Variants in TCF4 observed in about 807,000 individuals in gnomAD.
The protein encoded by TCF4 is transcription factor 4.
In TCF4, 3 loss-of-function variants were observed where a neutral mutation model predicts 82.1. That is an observed-to-expected ratio of 0.04 (90% confidence interval 0.02 to 0.09). The LOEUF (loss-of-function observed/expected upper bound fraction) is 0.09. Among genes scored for constraint, TCF4 ranks in the 10% least tolerant of loss-of-function variants. TCF4 has a pLI of 1.00. For missense variants in TCF4, 518 were observed against 852.7 expected (o/e 0.61, Z 4.89); for synonymous variants, 276 against 309.6 (o/e 0.89, Z 1.14).
At chr18:55,612,437 A>C (rs2097707978) in intron 2 of TCF4, among the ~76,000 whole-genome samples, 1 of 152,180 alleles carries the variant, frequency 6.6e-6, no homozygotes, top group Admixed American at 6.5e-5. Flanking sequence ...TGAGCAAAGT[A>C]ATATGTTGAG....
chr18:55,476,999 A>C (rs2096304760), intron 3 of TCF4, among the ~76,000 whole-genome samples: 2 of 152,146 alleles, frequency 1.3e-5, no homozygotes, highest in Non-Finnish European at 2.9e-5. Flanking sequence ...ATTTCCTAAT[A>C]GTTTCTTGAT....
intron 8 of TCF4, among the ~76,000 whole-genome samples, chr18:55,316,848 G>A (rs1307506525): frequency 6.6e-6 from 1 of 151,940 alleles, no homozygotes; most frequent in African/African-American, 2.4e-5. Flanking sequence ...ATCACCCAGC[G>A]ACAGAAGGAT....
At chr18:55,255,053 A>G (rs993285021) in intron 14 of TCF4, among the ~76,000 whole-genome samples, 3 of 152,214 alleles carry the variant, frequency 2.0e-5, no homozygotes, top group African/African-American at 7.2e-5. Flanking sequence ...GCAGGTATTA[A>G]GTTAAAGAGT....
intron 6 of TCF4, among the ~76,000 whole-genome samples, chr18:55,369,274 A>C (rs2088200736): frequency 6.6e-6 from 1 of 152,226 alleles, no homozygotes; most frequent in South Asian, 2.1e-4. Flanking sequence ...CAACACCAGC[A>C]GTGGGGTTAA....
intron 3 of TCF4, among the ~76,000 whole-genome samples, chr18:55,581,366 G>A (rs1181593399): frequency 1.3e-5 from 2 of 151,974 alleles, no homozygotes; most frequent in Non-Finnish European, 2.9e-5. Flanking sequence ...TGAAGGCACT[G>A]GGCAACATTT....
At chr18:55,626,833 G>T (rs2097726956) in intron 2 of TCF4, among the ~76,000 whole-genome samples, 1 of 152,186 alleles carries the variant, frequency 6.6e-6, no homozygotes, top group Admixed American at 6.5e-5. Flanking sequence ...ATAAAGGAAT[G>T]TGCTTTCTGA....
chr18:55,273,165 G>T (rs1249050665), intron 10 of TCF4, among the ~76,000 whole-genome samples: 1 of 152,144 alleles, frequency 6.6e-6, no homozygotes. Context: ...GGCTAAAACT[G>T]TAAAGGGGAT....
At chr18:55,597,656 G>T (rs571684110) in intron 2 of TCF4, among the ~76,000 whole-genome samples, 3 of 150,140 alleles carry the variant, frequency 2.0e-5, no homozygotes, top group African/African-American at 7.4e-5. Flanking sequence ...GACAAAGCAA[G>T]ACTCTGTCTC....
rs569350206 is a variant in TCF4 at position 55,634,127 on chromosome 18, C to A, written c.195+1576G>T. Among the ~76,000 whole-genome samples the A allele has an allele frequency of 3.3e-5, 5 of 151,904 alleles. No individual in the cohort carries two copies. In the East Asian group the frequency reaches 9.7e-4, roughly 30 times the overall value. On this transcript the variant is annotated intron_variant, in intron 1 of 20. Coordinates refer to the TCF4 transcript ENST00000398339. Reference sequence around the variant, plus strand: ...CTACTAAAAATACAAAAATTAGCCACGCGTGGTGGCAGGGGCCTGTAATCC... The same window carrying A: ...CTACTAAAAATACAAAAATTAGCCAAGCGTGGTGGCAGGGGCCTGTAATCC...
In TCF4 at chr18:55,596,969, G is replaced by A. The variant is rs371304794; in HGVS notation, c.287-9833C>T. On this transcript the variant is annotated intron_variant, in intron 2 of 20. Transcript: ENST00000398339. ...TGGGAGGTGATTGAATCATGGGGGC[G>A]GACTCCCCTTGCTGTTCTCATAATA... 1.7e-4 allele frequency among the ~76,000 whole-genome samples: 26 copies of A among 152,180 alleles called. No homozygotes were observed. The South Asian group carries it at 5.0e-3, about 29-fold the overall frequency.
chr18:55,351,886 C>T (rs2082394010), intron 6 of TCF4: 1 of 881,060 alleles, frequency 1.1e-6, no homozygotes, highest in Non-Finnish European at 1.4e-6. Context: ...GTAGATAGTA[C>T]CATTTATATT....
intron 15 of TCF4, among the ~76,000 whole-genome samples, chr18:55,252,362 G>T (rs1269640783): frequency 1.2e-5 from 1 of 83,772 alleles, no homozygotes; most frequent in Admixed American, 1.1e-4. Context: ...TTGCTTTTGT[G>T]TGTGTGTGTG....
At chr18:55,486,523 C>A (rs1206342658) in intron 3 of TCF4, among the ~76,000 whole-genome samples, 1 of 152,086 alleles carries the variant, frequency 6.6e-6, no homozygotes, top group Non-Finnish European at 1.5e-5. Context: ...ACCCGGGAGG[C>A]GAAGGTTGCA....
intron 8 of TCF4, among the ~76,000 whole-genome samples, chr18:55,297,838 T>C (rs1226759672): frequency 1.3e-5 from 2 of 152,104 alleles, no homozygotes; most frequent in East Asian, 1.9e-4. Context: ...TATCCCTACA[T>C]TGAAACTTTT....
chr18:55,335,540 CA>C (rs1221827109), intron 8 of TCF4, among the ~76,000 whole-genome samples: 1 of 152,130 alleles, frequency 6.6e-6, no homozygotes, highest in Non-Finnish European at 1.5e-5. Flanking sequence ...ATAAAGAAGA[CA>C]GAAATCATAC....
chr18:55,630,879 T>C (rs1157901590), intron 2 of TCF4, among the ~76,000 whole-genome samples: 1 of 152,174 alleles, frequency 6.6e-6, no homozygotes, highest in East Asian at 1.9e-4. Context: ...CTGATGCAGA[T>C]AGGAGCATCA....
chr18:55,365,558 C>T (rs2086792229), intron 6 of TCF4, among the ~76,000 whole-genome samples: 1 of 151,794 alleles, frequency 6.6e-6, no homozygotes, highest in African/African-American at 2.4e-5. Flanking sequence ...CAGAGCGAGC[C>T]CATCAGCCTT....
chr18:55,335,323 A>T (rs1004583379), intron 8 of TCF4, among the ~76,000 whole-genome samples: 1 of 152,216 alleles, frequency 6.6e-6, no homozygotes, highest in African/African-American at 2.4e-5. Flanking sequence ...ATTTAATGTA[A>T]TATTGCGTGT....
intron 13 of TCF4, 69 bp from the exon 14 acceptor site, chr18:55,257,460 C>A (rs1600410225): frequency 6.7e-7 from 1 of 1,502,122 alleles, no homozygotes; most frequent in South Asian, 1.1e-5. Context: ...ATATTTTAAA[C>A]AGTCCTTTTG....
Sources: gnomAD v4.1 joint callset for allele counts (sites outside exome capture counted in the v4.1 genomes callset) on GRCh38, gnomAD v4.1.1 for gene constraint, MANE v1.5 for transcripts, NCBI Gene and HGNC (gene_info 2026-07-23, HGNC 2026-07-21) for gene names.